Variants in LIMCH1 observed in about 807,000 individuals in gnomAD.
The protein encoded by LIMCH1 is LIM and calponin homology domains 1, also known as LIM and calponin homology domains-containing protein 1.
A neutral mutation model predicts 176.5 loss-of-function variants in LIMCH1; 113 were observed. That is an observed-to-expected ratio of 0.64 (90% CI 0.55 to 0.75). The LOEUF (loss-of-function observed/expected upper bound fraction) is 0.75. LIMCH1 is among the 30% of genes least tolerant of loss of function. LIMCH1 has a pLI of 0.00. For synonymous variants in LIMCH1, 619 were observed against 645.9 expected (o/e 0.96, Z 0.63); for missense variants, 1,674 against 1,814.9 (o/e 0.92, Z 1.41).
intron 2 of LIMCH1, among the ~76,000 whole-genome samples, chr4:41,507,898 T>C (rs1583280971): frequency 6.6e-6 from 1 of 152,266 alleles, no homozygotes; most frequent in East Asian, 1.9e-4. Context: ...ATCTAAATCC[T>C]GACTGTGTGG....
At chr4:41,443,548 T>A (rs993249625) in intron 1 of LIMCH1, among the ~76,000 whole-genome samples, 1 of 152,254 alleles carries the variant, frequency 6.6e-6, no homozygotes, top group Admixed American at 6.5e-5. Context: ...CTTTCCAGAT[T>A]TCAGGAAGCC....
At chr4:41,623,485 C>T (rs1380822747) in intron 7 of LIMCH1, among the ~76,000 whole-genome samples, 3 of 152,184 alleles carry the variant, frequency 2.0e-5, no homozygotes, top group South Asian at 2.1e-4. Context: ...AGGCTGGGTG[C>T]GGTGGCCCAA....
chr4:41,547,857 G>GTATATA (rs1451943342), intron 1 of LIMCH1, among the ~76,000 whole-genome samples: 72 of 69,966 alleles, frequency 1.0e-3, no homozygotes, highest in African/African-American at 4.9e-3. Context: ...TATAATTTGT[G>GTATATA]TGTGTGTATA....
At position 41,486,977 on chromosome 4, in the gene LIMCH1, T is replaced by C. The variant is rs201660439; in HGVS notation, c.97-7559T>C. Among the ~76,000 whole-genome samples the C allele has an allele frequency of 4.1e-3, 573 of 138,478 alleles. 4 individuals are homozygous for C. The highest frequency in any genetic ancestry group is 0.013 in the African/African-American group (492 of 38,260). The allele number at this position is 138,478 out of a possible 152,430, so 90.8% of individuals were successfully genotyped here. A position where few individuals can be genotyped will look rare whatever the true frequency, so the allele number is the denominator to read the frequency against. On this transcript the variant is annotated intron_variant, in intron 1 of 26. Coordinates refer to the LIMCH1 transcript ENST00000313860. The stretch of plus-strand genomic sequence containing the variant: ...ATATATATACACACACACACATACA[T>C]ACACACACACACACACACACACACA...
In LIMCH1 at chr4:41,640,198, GC is replaced by G. The variant is rs138612824; in HGVS notation, c.2126+1234del. ...AGAGTTAAGTAGTCTGTAAAATTGA[GC>G]CCTGGTTATTACTTTTCAAACCTGC... On this transcript the variant is annotated intron_variant, in intron 14 of 31. Coordinates refer to ENST00000503057, the MANE Select transcript of LIMCH1 (RefSeq NM_001330672.2). Among the ~76,000 whole-genome samples the G allele has an allele frequency of 1.8e-3, 275 of 152,294 alleles. 10 individuals carry two copies. In the East Asian group the frequency reaches 0.048, roughly 26 times the overall value.
At chr4:41,514,069 G>A (rs1482599531) in intron 2 of LIMCH1, among the ~76,000 whole-genome samples, 1 of 122,262 alleles carries the variant, frequency 8.2e-6, no homozygotes, top group Non-Finnish European at 1.7e-5. Flanking sequence ...AACAAAAGTT[G>A]TAAATCGTTA....
At chr4:41,506,769 C>T (rs1305610850) in intron 2 of LIMCH1, among the ~76,000 whole-genome samples, 3 of 152,182 alleles carry the variant, frequency 2.0e-5, no homozygotes. Context: ...TTTATACTTT[C>T]ATAACACTCT....
chr4:41,517,777 A>G (rs7683354), intron 2 of LIMCH1, among the ~76,000 whole-genome samples: 2 of 151,618 alleles, frequency 1.3e-5, no homozygotes, highest in Middle Eastern at 3.5e-3. Flanking sequence ...GGTTAAATTG[A>G]TCTCATGCTT....
chr4:41,559,813 C>T (rs770235879), intron 1 of LIMCH1, among the ~76,000 whole-genome samples: 2 of 152,144 alleles, frequency 1.3e-5, no homozygotes, highest in African/African-American at 2.4e-5. Flanking sequence ...CCCTACCCAA[C>T]GCAGATATTT....
intron 31 of LIMCH1, 111 bp from the exon 32 acceptor site, chr4:41,697,049 A>G: frequency 9.2e-7 from 1 of 1,091,042 alleles, no homozygotes; most frequent in Non-Finnish European, 1.4e-6. Flanking sequence ...TCTGGTCCCC[A>G]GGAAGAGGAG....
chr4:41,545,588 C>G (rs1004084470), intron 1 of LIMCH1, among the ~76,000 whole-genome samples: 3 of 152,162 alleles, frequency 2.0e-5, no homozygotes, highest in East Asian at 1.9e-4. Flanking sequence ...CATCCTCCCC[C>G]CAAACAGGCT....
At chr4:41,473,756 G>C (rs753639773) in intron 1 of LIMCH1, among the ~76,000 whole-genome samples, 4 of 152,174 alleles carry the variant, frequency 2.6e-5, no homozygotes, top group Non-Finnish European at 4.4e-5. Flanking sequence ...ACAGTTAACA[G>C]TATAAAAAGA....
chr4:41,617,696 C>T (rs1219096411), intron 5 of LIMCH1, among the ~76,000 whole-genome samples: 2 of 152,182 alleles, frequency 1.3e-5, no homozygotes, highest in African/African-American at 2.4e-5. Flanking sequence ...TGTTTATGGT[C>T]AATGCCTTTA....
chr4:41,661,491 T>A lies in LIMCH1; in HGVS notation c.3108T>A (p.Asn1036Lys). 6.2e-7 allele frequency: 1 copy of A among 1,610,744 alleles called. No homozygotes were observed. The highest frequency in any genetic ancestry group is 2.2e-5 in the East Asian group (1 of 44,770). Residue 1036 changes from asparagine (N) to lysine (K), a missense_variant, in exon 19 of 32, where the codon AAT becomes AAA. Around this residue, in one of 3 missense-constraint regions of LIMCH1, gnomAD observed 1,015 missense variants for 1,102.5 expected, o/e 0.92. Transcript: ENST00000503057. Reference sequence around the variant, plus strand: ...ATGGTGGAAAATCAAGAAAAGGGAATATAGAACTTGCCTCATCAGGTTTGT... The same window carrying A: ...ATGGTGGAAAATCAAGAAAAGGGAAAATAGAACTTGCCTCATCAGGTTTGT... ...KNDGGKSRKG[N>K]IELASSEPQH...
At chr4:41,598,898 A>T in intron 1 of LIMCH1, 22 bp from the exon 2 acceptor site, 9 of 1,456,426 alleles carry the variant, frequency 6.2e-6, no homozygotes, top group Non-Finnish European at 8.7e-6. Flanking sequence ...ATATAGACTT[A>T]TATTTCTTTT....
At chr4:41,444,313 T>TACAC (rs71198657) in intron 1 of LIMCH1, among the ~76,000 whole-genome samples, 247 of 134,202 alleles carry the variant, frequency 1.8e-3, no homozygotes, top group African/African-American at 4.9e-3. Flanking sequence ...TGTATATATA[T>TACAC]ACACACACAC....
intron 7 of LIMCH1, among the ~76,000 whole-genome samples, chr4:41,624,740 A>G (rs772256926): frequency 6.6e-6 from 1 of 152,064 alleles, no homozygotes; most frequent in Non-Finnish European, 1.5e-5. Flanking sequence ...GCATTGCCAC[A>G]TAAAACCGGG....
chr4:41,627,559 C>T (rs2093049476), intron 8 of LIMCH1, among the ~76,000 whole-genome samples: 1 of 152,246 alleles, frequency 6.6e-6, no homozygotes, highest in Non-Finnish European at 1.5e-5. Flanking sequence ...CCATCAAAAA[C>T]ACTTCTCAAA....
chr4:41,612,402 G>A (rs567389253), intron 4 of LIMCH1: 2 of 603,694 alleles, frequency 3.3e-6, no homozygotes, highest in South Asian at 4.2e-5. Context: ...GGAATCTGCA[G>A]TGTGGCATTC....
Sources: allele counts gnomAD v4.1 joint callset (sites outside exome capture counted in the v4.1 genomes callset), GRCh38; gene constraint gnomAD v4.1.1; regional missense constraint gnomAD v4.1.1; transcripts MANE v1.5; gene names NCBI Gene and HGNC (gene_info 2026-07-23, HGNC 2026-07-21).